The following GNAO1 variants were observed in gnomAD, a reference collection of about 807,000 sequenced individuals.
GNAO1 encodes the protein G protein subunit alpha o1.
For missense variants in GNAO1, 166 were observed against 478.7 expected (o/e 0.35, Z 6.10); for synonymous variants, 164 against 180.7 (o/e 0.91, Z 0.74).
intron 2 of GNAO1, among the ~76,000 whole-genome samples, chr16:56,244,323 G>A (rs1334864141): frequency 6.6e-6 from 1 of 151,514 alleles, no homozygotes; most frequent in African/African-American, 2.4e-5. Context: ...CCATCCTGGG[G>A]TTCATGAAAG....
intron 3 of GNAO1, among the ~76,000 whole-genome samples, chr16:56,284,198 A>C (rs976554399): frequency 3.9e-5 from 6 of 152,244 alleles, no homozygotes; most frequent in Non-Finnish European, 8.8e-5. Context: ...GCAAAGATCA[A>C]GAGGCTCCCG....
At chr16:56,269,607 T>C (rs555258541) in intron 2 of GNAO1, among the ~76,000 whole-genome samples, 4 of 152,180 alleles carry the variant, frequency 2.6e-5, no homozygotes, top group Non-Finnish European at 4.4e-5. Context: ...AGTCTGGCTC[T>C]AGAAGCCCCC....
intron 2 of GNAO1, among the ~76,000 whole-genome samples, chr16:56,231,037 G>C (rs985427328): frequency 3.9e-5 from 6 of 152,246 alleles, no homozygotes; most frequent in Non-Finnish European, 5.9e-5. Context: ...TCCCCACCCT[G>C]TGGGTATGTC....
rs140094967 is a variant in GNAO1, at chr16:56,350,647, G to A, written c.724-737G>A. Reference sequence around the variant, plus strand: ...GATGCAGCTGAGTAGGACCCAGCCAGAGGAGGTGTGGCCAGTCCCCCAGGT... The same window carrying A: ...GATGCAGCTGAGTAGGACCCAGCCAAAGGAGGTGTGGCCAGTCCCCCAGGT... On this transcript the variant is annotated intron_variant, in intron 6 of 8. Transcript: ENST00000262493. 1.3e-3 allele frequency among the ~76,000 whole-genome samples: 192 copies of A among 152,310 alleles called. 1 individual carries two copies. The highest frequency in any genetic ancestry group is 3.7e-3 in the Admixed American group (57 of 15,312).
intron 6 of GNAO1, chr16:56,344,548 C>T (rs2037843303): frequency 1.0e-6 from 1 of 986,918 alleles, no homozygotes; most frequent in Non-Finnish European, 1.2e-6. Context: ...TCCTCCCTTG[C>T]CTTTGCTCTC....
intron 2 of GNAO1, among the ~76,000 whole-genome samples, chr16:56,211,331 A>T (rs1319576655): frequency 6.6e-6 from 1 of 152,186 alleles, no homozygotes; most frequent in African/African-American, 2.4e-5. Flanking sequence ...CTACGGTTGG[A>T]GGAGTGCTGT....
chr16:56,340,758 C>T, intron 6 of GNAO1: 1 of 1,334,832 alleles, frequency 7.5e-7, no homozygotes, highest in African/African-American at 1.4e-5. Flanking sequence ...TTTGCTTGTC[C>T]CGCTGTGTCA....
intron 6 of GNAO1, chr16:56,346,249 T>G (rs1015984789): frequency 4.1e-6 from 4 of 985,036 alleles, no homozygotes; most frequent in Non-Finnish European, 4.8e-6. Context: ...TCTTGTGGGG[T>G]GGTGACTGAG....
At chr16:56,356,025 A>C (rs1472803835) in intron 8 of GNAO1, 78 bp from the exon 9 acceptor site, 1 of 152,432 alleles carries the variant, frequency 6.6e-6, no homozygotes, top group African/African-American at 2.4e-5. Flanking sequence ...AAAATGTTCT[A>C]GGGTTTTTTG....
intron 2 of GNAO1, among the ~76,000 whole-genome samples, chr16:56,212,294 G>A (rs962300148): frequency 2.0e-5 from 3 of 152,110 alleles, no homozygotes; most frequent in Admixed American, 6.5e-5. Context: ...GCTCCAACTC[G>A]TCCTTTTTTA....
intron 2 of GNAO1, among the ~76,000 whole-genome samples, chr16:56,222,791 GGAGAGCAATGT>G (rs2036503039): frequency 6.6e-6 from 1 of 152,178 alleles, no homozygotes; most frequent in Non-Finnish European, 1.5e-5. Flanking sequence ...TTGACACGTG[GGAGAGCAATGT>G]GACACGGCTT....
At position 56,226,082 on chromosome 16, in the gene GNAO1, T is replaced by A. The variant is rs2036530707; in HGVS notation, c.161+33466T>A. 5.9e-5 allele frequency among the ~76,000 whole-genome samples: 9 copies of A among 151,996 alleles called. No individual in the cohort carries two copies. The South Asian group carries it at 1.9e-3, about 32-fold the overall frequency. On this transcript the variant is annotated intron_variant, in intron 2 of 8. Transcript: ENST00000262493. The stretch of plus-strand genomic sequence containing the variant: ...AAGGAGTTAATTAGGAGAGAGATGA[T>A]CTGACTTCTACTTTGAGTTTGCTGT...
chr16:56,206,324 T>TAAA (rs562270212), intron 2 of GNAO1, among the ~76,000 whole-genome samples: 13 of 113,234 alleles, frequency 1.1e-4, no homozygotes, highest in African/African-American at 2.6e-4. Context: ...CATCTCAATT[T>TAAA]AAAAAAAAAA....
chr16:56,288,840 G>A (rs145382014), intron 3 of GNAO1, among the ~76,000 whole-genome samples: 160 of 152,222 alleles, frequency 1.1e-3, no homozygotes, highest in African/African-American at 3.8e-3. Context: ...GCCTCGGCTG[G>A]CAGGGTGACC....
chr16:56,206,655 T>G (rs2036332640), intron 2 of GNAO1, among the ~76,000 whole-genome samples: 1 of 152,192 alleles, frequency 6.6e-6, no homozygotes, highest in Non-Finnish European at 1.5e-5. Context: ...ACTGTATACC[T>G]AAAAAGGGTG....
At chr16:56,237,868 C>T (rs937006053) in intron 2 of GNAO1, among the ~76,000 whole-genome samples, 1 of 152,132 alleles carries the variant, frequency 6.6e-6, no homozygotes, top group Non-Finnish European at 1.5e-5. Context: ...GGCCAGCTGG[C>T]AACGGATAAA....
intron 2 of GNAO1, among the ~76,000 whole-genome samples, chr16:56,250,060 A>G (rs544148304): frequency 1.8e-4 from 27 of 152,312 alleles, no homozygotes; most frequent in African/African-American, 5.1e-4. Flanking sequence ...TGTCTGCTCC[A>G]GCCCCAAACC....
chr16:56,277,993 AT>A (rs1279354111), intron 3 of GNAO1, among the ~76,000 whole-genome samples: 4 of 151,540 alleles, frequency 2.6e-5, no homozygotes, highest in African/African-American at 4.8e-5. Context: ...TTCCCATGGG[AT>A]TTTTTTTTCC....
intron 6 of GNAO1, chr16:56,345,360 C>A: frequency 1.0e-6 from 1 of 985,600 alleles, no homozygotes; most frequent in Non-Finnish European, 1.2e-6. Flanking sequence ...CCTCTGTTCT[C>A]CCTGCCCCCA....
Sources: allele counts gnomAD v4.1 joint callset (sites outside exome capture counted in the v4.1 genomes callset), GRCh38; gene constraint gnomAD v4.1.1; transcripts MANE v1.5; gene names NCBI Gene and HGNC (gene_info 2026-07-23, HGNC 2026-07-21).